VIT: variants seen among roughly 807,000 people sequenced by gnomAD.
The protein encoded by VIT is vitrin.
A neutral mutation model predicts 78.0 loss-of-function variants in VIT; 99 were observed. The observed-to-expected ratio is 1.27, with a 90% CI of 1.08 to 1.50. The LOEUF is 1.50. Ranked by LOEUF, VIT falls within the 40% of genes most tolerant of loss-of-function variation. VIT has a pLI of 0.00. For missense variants in VIT, 1,126 were observed against 875.3 expected, an observed-to-expected ratio of 1.29 and a Z score of -3.61; for synonymous variants, 374 against 334.3, an observed-to-expected ratio of 1.12 and a Z score of -1.29.
intron 12 of VIT, among the ~76,000 whole-genome samples, chr2:36,790,510 C>G (rs1665415518): frequency 6.6e-6 from 1 of 152,196 alleles, no homozygotes; most frequent in South Asian, 2.1e-4. Context: ...ACCCATAACT[C>G]ACAATCACGT....
At chr2:36,732,269 C>G (rs1159224348) in intron 3 of VIT, among the ~76,000 whole-genome samples, 1 of 152,208 alleles carries the variant, frequency 6.6e-6, no homozygotes, top group Admixed American at 6.5e-5. Flanking sequence ...GGGCAAACCT[C>G]TTTGAGAGAT....
chr2:36,707,315 G>C (rs34386995), intron 1 of VIT, among the ~76,000 whole-genome samples: 6 of 151,794 alleles, frequency 4.0e-5, no homozygotes, highest in African/African-American at 1.5e-4. Context: ...CATTTTCCTC[G>C]GCTGGACTTT....
rs1018839321 is a variant in VIT, at chr2:36,758,898, A to G, written c.410-71A>G. On this transcript the variant is annotated intron_variant, in intron 5 of 15. Coordinates refer to ENST00000379242, the MANE Select transcript of VIT (RefSeq NM_053276.4). ...GAGATAAATTGAAAGGACAGAATCAACTTAGTACAGAACCATCTAAAACCT... is the reference window on the plus strand; with the variant it reads ...GAGATAAATTGAAAGGACAGAATCAGCTTAGTACAGAACCATCTAAAACCT... 5.3e-6 allele frequency: 7 copies of G among 1,328,596 alleles called. No individual in the cohort carries two copies. The African/African-American group carries it at 5.8e-5, about 11-fold the overall frequency. The allele number at this position is 1,328,596 out of a possible 1,614,324, so 82.3% of individuals were successfully genotyped here.
Position 36,734,838 on chromosome 2 carries a change from G to T in VIT, c.118+5347G>T, listed in dbSNP as rs532591385. Among the ~76,000 whole-genome samples the T allele has an allele frequency of 7.2e-5, 11 of 152,162 alleles. No individual in the cohort carries two copies. The South Asian group carries it at 1.9e-3, about 26-fold the overall frequency. On this transcript the variant is annotated intron_variant, in intron 3 of 15. Transcript: ENST00000379242. ...TGTTACTTAGCACCACTGGTGGGGG[G>T]GCCCTTTGGACCAAGAAGGTAATAC...
chr2:36,770,968 A>G (rs1158245381), intron 7 of VIT, among the ~76,000 whole-genome samples: 3 of 152,240 alleles, frequency 2.0e-5, no homozygotes, highest in East Asian at 1.9e-4. Flanking sequence ...AAGGACCGCT[A>G]AGCGGGAGAA....
chr2:36,751,729 C>A (rs1025609145), intron 4 of VIT, among the ~76,000 whole-genome samples: 1 of 152,104 alleles, frequency 6.6e-6, no homozygotes, highest in Non-Finnish European at 1.5e-5. Context: ...GAGCTTGATT[C>A]GCTTGTTTTG....
intron 1 of VIT, among the ~76,000 whole-genome samples, chr2:36,699,874 G>GCT (rs35875079): frequency 0.82 from 125,159 of 151,824 alleles, 52,489 homozygotes; most frequent in Middle Eastern, 0.95. Context: ...TAGGCGGAAA[G>GCT]CTGTTACTTT....
chr2:36,774,627 G>T (rs1669944792), intron 8 of VIT: 1 of 985,284 alleles, frequency 1.0e-6, no homozygotes. Flanking sequence ...GGGGCCCAAT[G>T]GGCTCCTCTG....
chr2:36,737,133 T>A (rs1667554162), intron 3 of VIT, among the ~76,000 whole-genome samples: 1 of 152,072 alleles, frequency 6.6e-6, no homozygotes, highest in African/African-American at 2.4e-5. Flanking sequence ...ATTGGTCTTA[T>A]GAAAGAACAT....
intron 4 of VIT, among the ~76,000 whole-genome samples, chr2:36,744,369 G>A (rs1244077353): frequency 6.6e-6 from 1 of 152,114 alleles, no homozygotes; most frequent in Non-Finnish European, 1.5e-5. Context: ...TGGTCAAATG[G>A]TTGTTCATTA....
At chr2:36,708,380 C>T (rs1048035506) in intron 1 of VIT, among the ~76,000 whole-genome samples, 6 of 152,258 alleles carry the variant, frequency 3.9e-5, no homozygotes, top group Middle Eastern at 3.4e-3. Context: ...GGGTGCTCCC[C>T]GATGTAGCAT....
intron 13 of VIT, among the ~76,000 whole-genome samples, chr2:36,804,394 C>T (rs1431181876): frequency 6.6e-6 from 1 of 152,226 alleles, no homozygotes; most frequent in African/African-American, 2.4e-5. Context: ...GCAGGAGCCT[C>T]AGGCTCACCC....
intron 1 of VIT, among the ~76,000 whole-genome samples, chr2:36,708,757 T>C (rs1399139467): frequency 6.6e-6 from 1 of 152,176 alleles, no homozygotes; most frequent in Non-Finnish European, 1.5e-5. Context: ...GTCCCCACGT[T>C]TCAGGCGTAT....
chr2:36,801,399 A>G lies in VIT; in HGVS notation c.1157A>G (p.Asn386Ser). 6.2e-7 allele frequency: 1 copy of G among 1,607,716 alleles called. No homozygotes were observed. Among genetic ancestry groups the G allele is most frequent in the Non-Finnish European group, 8.5e-7 (1 of 1,174,528 alleles). The stretch of plus-strand genomic sequence containing the variant: ...ATTACTCAGAGAGGAGGACTTTCTA[A>G]TGTAGGTATGTGATCCGGATTCAAA... ...EKITQRGGLS[N>S]VGRAISFVTK... The change falls in exon 13 of 16, where the codon AAT becomes AGT. Residue 386 changes from asparagine (N) to serine (S), a missense_variant. Asn to Ser is a conservative substitution (Grantham distance 46). Transcript: ENST00000379242.
chr2:36,800,332 G>A (rs1476265024), intron 12 of VIT, among the ~76,000 whole-genome samples: 1 of 152,172 alleles, frequency 6.6e-6, no homozygotes, highest in Non-Finnish European at 1.5e-5. Context: ...GTGACAGAGT[G>A]AGACTCCGTG....
chr2:36,727,710 C>T (rs1459643221), intron 2 of VIT, among the ~76,000 whole-genome samples: 3 of 152,200 alleles, frequency 2.0e-5, no homozygotes, highest in East Asian at 3.8e-4. Flanking sequence ...CAACAGCCGC[C>T]TGTAAGATTG....
At chr2:36,732,426 A>G (rs769892416) in intron 3 of VIT, among the ~76,000 whole-genome samples, 2 of 152,236 alleles carry the variant, frequency 1.3e-5, no homozygotes, top group Non-Finnish European at 2.9e-5. Context: ...GGAAAAAAAG[A>G]TACAATGAAG....
At chr2:36,813,204 C>G (rs1214384247) in intron 15 of VIT, among the ~76,000 whole-genome samples, 4 of 151,504 alleles carry the variant, frequency 2.6e-5, no homozygotes, top group Non-Finnish European at 5.9e-5. Flanking sequence ...AATCCCAGCA[C>G]TTTGGGAGGC....
intron 6 of VIT, among the ~76,000 whole-genome samples, chr2:36,765,610 G>T (rs1232213548): frequency 6.6e-6 from 1 of 152,128 alleles, no homozygotes; most frequent in Non-Finnish European, 1.5e-5. Flanking sequence ...ATTTGGGTGG[G>T]GACACGGACC....
Sources: allele counts gnomAD v4.1 joint callset (sites outside exome capture counted in the v4.1 genomes callset), GRCh38; gene constraint gnomAD v4.1.1; transcripts MANE v1.5; gene names NCBI Gene and HGNC (gene_info 2026-07-23, HGNC 2026-07-21).